The following ZRANB3 variants were observed in gnomAD, a reference collection of about 807,000 sequenced individuals.
The protein encoded by ZRANB3 is DNA annealing helicase and endonuclease ZRANB3.
ZRANB3 carries 125 observed loss-of-function variants against 133.8 expected under a neutral mutation model. The observed-to-expected ratio is 0.93, with a 90% CI of 0.81 to 1.08. The LOEUF is 1.08. Ranked by LOEUF, ZRANB3 falls within the 50% of genes least tolerant of loss-of-function variation. The pLI is 0.00. For synonymous variants in ZRANB3, 387 were observed against 432.7 expected, an observed-to-expected ratio of 0.89 and a Z score of 1.31; for missense variants, 1,229 against 1,275.5, an observed-to-expected ratio of 0.96 and a Z score of 0.56.
chr2:135,385,754 A>C (rs148974073), intron 3 of ZRANB3, among the ~76,000 whole-genome samples: 1 of 152,354 alleles, frequency 6.6e-6, no homozygotes, highest in East Asian at 1.9e-4. Context: ...TTACCTGTTT[A>C]ATAAATGGTG....
At chr2:135,384,756 C>T (rs940077776) in intron 3 of ZRANB3, among the ~76,000 whole-genome samples, 2 of 152,124 alleles carry the variant, frequency 1.3e-5, no homozygotes, top group Admixed American at 1.3e-4. Flanking sequence ...ATGATTATCT[C>T]AATAGATGCA....
chr2:135,318,214 G>T (rs1235386903), intron 6 of ZRANB3, among the ~76,000 whole-genome samples: 371 of 30,242 alleles, frequency 0.012, 1 homozygote, highest in South Asian at 0.045. Context: ...ACACTATTTT[G>T]TGTGTGTGTG....
intron 12 of ZRANB3, among the ~76,000 whole-genome samples, chr2:135,236,836 C>A (rs2105077001): frequency 6.6e-6 from 1 of 152,236 alleles, no homozygotes; most frequent in African/African-American, 2.4e-5. Flanking sequence ...CCATAAAAGC[C>A]CTAGAAGAAA....
At chr2:135,449,545 G>A (rs538339366) in intron 2 of ZRANB3, among the ~76,000 whole-genome samples, 5 of 152,068 alleles carry the variant, frequency 3.3e-5, no homozygotes, top group African/African-American at 7.2e-5. Flanking sequence ...ACTTGAATCC[G>A]GAAGGCAGAG....
chr2:135,471,003 G>A (rs762529118), intron 2 of ZRANB3, among the ~76,000 whole-genome samples: 4 of 151,284 alleles, frequency 2.6e-5, no homozygotes, highest in African/African-American at 7.3e-5. Flanking sequence ...GGGTTTCACC[G>A]TGTTAGCCAG....
intron 2 of ZRANB3, among the ~76,000 whole-genome samples, chr2:135,453,878 C>T (rs535130595): frequency 6.6e-6 from 1 of 152,302 alleles, no homozygotes; most frequent in East Asian, 1.9e-4. Context: ...ATCTTTTCAG[C>T]AACGCCCAAC....
At chr2:135,450,206 C>G (rs1016361377) in intron 2 of ZRANB3, among the ~76,000 whole-genome samples, 2 of 150,962 alleles carry the variant, frequency 1.3e-5, no homozygotes, top group Admixed American at 6.6e-5. Flanking sequence ...GCAAAGCTTG[C>G]AGTAAGCCGA....
chr2:135,453,035 G>T (rs1268300006), intron 2 of ZRANB3, among the ~76,000 whole-genome samples: 1 of 152,258 alleles, frequency 6.6e-6, no homozygotes, highest in Non-Finnish European at 1.5e-5. Context: ...GGGCATGCGG[G>T]TGTTTCCATA....
chr2:135,455,171 C>CTTTTTTT lies in ZRANB3; in HGVS notation c.161+49151_161+49157dup, dbSNP rs1166170814. On this transcript the variant is annotated intron_variant, in intron 2 of 20. Transcript: ENST00000264159. ...AATGGGATCACAATGCCTTCTTATA[C>CTTTTTTT]TTTTTTTTTTTTTTTTTTTTTTTTT... Among the ~76,000 whole-genome samples the CTTTTTTT allele has an allele frequency of 6.9e-3, 258 of 37,590 alleles. 40 individuals are homozygous for CTTTTTTT. The highest frequency in any genetic ancestry group is 0.024 in the Middle Eastern group (1 of 42). 24.7% of individuals were successfully genotyped at this position (37,590 alleles called of 152,430 possible).
intron 2 of ZRANB3, among the ~76,000 whole-genome samples, chr2:135,438,939 A>C (rs1689666063): frequency 6.6e-6 from 1 of 152,228 alleles, no homozygotes; most frequent in African/African-American, 2.4e-5. Flanking sequence ...CAAGGCTGAT[A>C]CAGGCTGAGT....
chr2:135,470,159 T>C lies in ZRANB3; in HGVS notation c.161+34170A>G, dbSNP rs573614098. ...CACAAACATGGCGAAACCCCATCTC[T>C]ACTAAAAATACAAAAATTAGCCAGG... is the stretch of plus-strand genomic sequence containing the variant. On this transcript the variant is annotated intron_variant, in intron 2 of 20. Coordinates refer to ENST00000264159, the MANE Select transcript of ZRANB3 (RefSeq NM_032143.4). 2.7e-5 allele frequency among the ~76,000 whole-genome samples: 4 copies of C among 150,278 alleles called. No homozygotes were observed. In the South Asian group the frequency reaches 8.5e-4, roughly 32 times the overall value.
chr2:135,487,076 T>C (rs566218113), intron 2 of ZRANB3, among the ~76,000 whole-genome samples: 1 of 152,358 alleles, frequency 6.6e-6, no homozygotes, highest in Non-Finnish European at 1.5e-5. Flanking sequence ...CCTGGATACA[T>C]GGGCTACAGA....
At chr2:135,411,579 C>A (rs1005195548) in intron 2 of ZRANB3, among the ~76,000 whole-genome samples, 1 of 152,032 alleles carries the variant, frequency 6.6e-6, no homozygotes, top group African/African-American at 2.4e-5. Context: ...TGGAATATTA[C>A]CACAAAAAAG....
intron 3 of ZRANB3, 130 bp downstream of exon 3, chr2:135,390,672 T>A: frequency 8.3e-5 from 76 of 917,604 alleles, no homozygotes; most frequent in East Asian, 1.2e-4. Flanking sequence ...CACCCTCCCA[T>A]CTTTCTCTCT....
At chr2:135,323,605 A>G (rs1174034189) in intron 6 of ZRANB3, among the ~76,000 whole-genome samples, 1 of 152,222 alleles carries the variant, frequency 6.6e-6, no homozygotes, top group Admixed American at 6.5e-5. Context: ...TTACAAAGTA[A>G]TTGGAGATCA....
intron 2 of ZRANB3, among the ~76,000 whole-genome samples, chr2:135,478,452 GC>G (rs1691603327): frequency 6.6e-6 from 1 of 151,996 alleles, no homozygotes; most frequent in South Asian, 2.1e-4. Flanking sequence ...TGCTATGCTG[GC>G]CACTGACTGA....
intron 2 of ZRANB3, among the ~76,000 whole-genome samples, chr2:135,481,627 C>T (rs958440615): frequency 1.3e-5 from 2 of 149,970 alleles, no homozygotes; most frequent in Non-Finnish European, 3.0e-5. Context: ...TAATTAGATC[C>T]CATTTGTCAA....
At chr2:135,298,714 G>A (rs1418798082) in intron 8 of ZRANB3, among the ~76,000 whole-genome samples, 1 of 152,172 alleles carries the variant, frequency 6.6e-6, no homozygotes, top group East Asian at 1.9e-4. Flanking sequence ...CACCAGCTCT[G>A]CTGAAGATAG....
intron 1 of ZRANB3, chr2:135,511,518 G>T: frequency 9.8e-7 from 1 of 1,016,106 alleles, no homozygotes; most frequent in South Asian, 1.3e-5. Flanking sequence ...GAGGCTCAGT[G>T]ACAAACCCAC....
Sources: gnomAD v4.1 joint callset for allele counts (sites outside exome capture counted in the v4.1 genomes callset) on GRCh38, gnomAD v4.1.1 for gene constraint, MANE v1.5 for transcripts, NCBI Gene and HGNC (gene_info 2026-07-23, HGNC 2026-07-21) for gene names.